The following NEB variants were observed in gnomAD, a reference collection of about 807,000 sequenced individuals.
The protein encoded by NEB is nemaline myopathy type 2.
In NEB, 512 loss-of-function variants were observed where a neutral mutation model predicts 952.2. The observed-to-expected ratio is 0.54, with a 90% CI of 0.50 to 0.58. The LOEUF is 0.58. NEB is among the 20% of genes least tolerant of loss of function. The pLI is 0.00. For synonymous variants in NEB, 2,900 were observed against 3,149.8 expected (o/e 0.92, Z 2.66); for missense variants, 8,428 against 9,231.1 (o/e 0.91, Z 3.56).
intron 130 of NEB, 93 bp downstream of exon 130, chr2:151,549,543 G>A: frequency 2.4e-6 from 2 of 840,296 alleles, no homozygotes; most frequent in Non-Finnish European, 4.0e-6. Flanking sequence ...AACCTTGAGG[G>A]TGAGACTGGA....
chr2:151,626,926 A>G, intron 70 of NEB, 76 bp downstream of exon 70: 2 of 1,527,888 alleles, frequency 1.3e-6, no homozygotes, highest in South Asian at 2.3e-5. Flanking sequence ...TTTAAAAAAG[A>G]GACTAACTTA....
chr2:151,549,549 C>T (rs2095123790), intron 130 of NEB, 87 bp downstream of exon 130: 1 of 874,320 alleles, frequency 1.1e-6, no homozygotes, highest in Non-Finnish European at 1.9e-6. Flanking sequence ...GAGGGTGAGA[C>T]TGGAGGATTA....
chr2:151,519,696 A>G lies in NEB; in HGVS notation c.22552T>C (p.Tyr7518His), dbSNP rs1201537144. 6.2e-7 allele frequency: 1 copy of G among 1,613,188 alleles called. No homozygotes were observed. The highest frequency in any genetic ancestry group is 1.7e-5 in the Admixed American group (1 of 60,026). Residue 7518 changes from tyrosine (Y) to histidine (H), a missense_variant, in exon 154 of 182, where the codon TAC becomes CAC. Tyr to His is a moderately conservative substitution (Grantham distance 83). Around this residue, in one of 11 missense-constraint regions of NEB, gnomAD observed 3,374 missense variants for 3,651.5 expected, o/e 0.92. Coordinates refer to ENST00000397345, the MANE Select transcript of NEB (RefSeq NM_001164508.2). ...PKYNPKDSQL[Y>H]KVMKDANNLA... ...TTATTAGCATCTTTCATGACTTTGT[A>G]GAGCTGGCTGTCTTTTGGATTGTAT...
At chr2:151,534,385 G>A in intron 142 of NEB, 1 of 1,371,324 alleles carries the variant, frequency 7.3e-7, no homozygotes, top group South Asian at 1.2e-5. Context: ...AATGTCTCAA[G>A]GTAAACACTC....
intron 34 of NEB, 126 bp downstream of exon 34, chr2:151,677,439 A>G: frequency 1.4e-6 from 1 of 739,430 alleles, no homozygotes. Context: ...TTTTTAAAAA[A>G]TTAAATAAAC....
intron 173 of NEB, 29 bp from the exon 174 acceptor site, chr2:151,494,282 CAAAAAG>C (rs756831276): frequency 4.1e-6 from 6 of 1,456,276 alleles, no homozygotes; most frequent in South Asian, 1.3e-5. Context: ...TCCAAAAAGC[CAAAAAG>C]AAAAAGAGTT....
intron 138 of NEB, among the ~76,000 whole-genome samples, chr2:151,539,810 T>C (rs1203517110): frequency 6.6e-6 from 1 of 152,218 alleles, no homozygotes; most frequent in African/African-American, 2.4e-5. Flanking sequence ...ACATGATCTA[T>C]ATGCAATTAA....
At chr2:151,505,957 T>A in intron 164 of NEB, 1 of 591,856 alleles carries the variant, frequency 1.7e-6, no homozygotes, top group Non-Finnish European at 3.0e-6. Flanking sequence ...TCTCTGTTTT[T>A]CAGATCTAAT....
Position 151,620,339 on chromosome 2 carries a change from A to ATG in NEB, c.10560+578_10561-578dup, listed in dbSNP as rs371405720. Among the ~76,000 whole-genome samples, 99 of 73,648 alleles carry ATG rather than the reference A, an allele frequency of 1.3e-3. 1 individual carries two copies. Among genetic ancestry groups the ATG allele is most frequent in the African/African-American group, 3.3e-3 (66 of 19,886 alleles). The allele number at this position is 73,648 out of a possible 152,430, so 48.3% of individuals were successfully genotyped here. On this transcript the variant is annotated intron_variant, in intron 72 of 181. Coordinates refer to ENST00000397345, the MANE Select transcript of NEB (RefSeq NM_001164508.2). ...GGTAAATTTTATTATATATATATGT[A>ATG]TGTGTGTGTATATATATATATATAT...
At chr2:151,621,412 T>C (rs980321457) in intron 71 of NEB, among the ~76,000 whole-genome samples, 1 of 152,208 alleles carries the variant, frequency 6.6e-6, no homozygotes, top group African/African-American at 2.4e-5. Context: ...TAATAACATA[T>C]AATAATACTA....
intron 57 of NEB, 112 bp downstream of exon 57, chr2:151,643,706 T>C: frequency 6.7e-7 from 1 of 1,482,422 alleles, no homozygotes; most frequent in Non-Finnish European, 9.1e-7. Context: ...TAGATGCGCT[T>C]GGGCATTAGT....
intron 68 of NEB, among the ~76,000 whole-genome samples, chr2:151,629,180 C>G (rs926179763): frequency 1.3e-5 from 2 of 152,100 alleles, no homozygotes; most frequent in Non-Finnish European, 2.9e-5. Context: ...ATACATGTAA[C>G]TAAGTTATTT....
At chr2:151,703,006 G>A (rs1024089111) in intron 13 of NEB, among the ~76,000 whole-genome samples, 1 of 151,896 alleles carries the variant, frequency 6.6e-6, no homozygotes, top group African/African-American at 2.4e-5. Flanking sequence ...ACCGGTTGTT[G>A]CTTTCCATGT....
chr2:151,507,253 T>A lies in NEB; in HGVS notation c.23452-240A>T. 1.9e-5 allele frequency: 8 copies of A among 416,944 alleles called. No individual in the cohort carries two copies. The South Asian group carries it at 2.5e-4, about 13-fold the overall frequency. The allele number at this position is 416,944 out of a possible 1,614,324, so 25.8% of individuals were successfully genotyped here. ...TTTAAGTATCCCTTGCTTAGTAGAT[T>A]TAACTTTGAAAAAGATAGATGTCTC... On this transcript the variant is annotated intron_variant, in intron 162 of 181. Transcript: ENST00000397345.
chr2:151,698,880 T>TA (rs778476825), intron 13 of NEB, among the ~76,000 whole-genome samples: 107 of 141,692 alleles, frequency 7.6e-4, no homozygotes, highest in South Asian at 2.0e-3. Flanking sequence ...TTTTTTTTTT[T>TA]AATTATACTT....
chr2:151,525,330 T>C lies in NEB; in HGVS notation c.22162-57A>G, dbSNP rs575415587. 8.9e-5 allele frequency: 114 copies of C among 1,283,250 alleles called. No homozygotes were observed. In the African/African-American group the frequency reaches 1.5e-3, roughly 17 times the overall value. 79.5% of individuals were successfully genotyped at this position (1,283,250 alleles called of 1,614,324 possible). ...GAGGAAGCTGGGAACAGAGTTGGTT[T>C]ACTTGAAGAACTGTGAAATCTCCAG... On this transcript the variant is annotated intron_variant, in intron 150 of 181. Coordinates refer to ENST00000397345, the MANE Select transcript of NEB (RefSeq NM_001164508.2).
chr2:151,724,336 G>A lies in NEB; in HGVS notation c.536C>T (p.Thr179Ile), dbSNP rs1163960480. The A allele has an allele frequency of 8.7e-6, 14 of 1,612,512 alleles. No homozygotes were observed. The East Asian group carries it at 3.1e-4, about 36-fold the overall frequency. Residue 179 changes from threonine (T) to isoleucine (I), a missense_variant, in exon 8 of 182, where the codon ACC (threonine) becomes ATC (isoleucine). Transcript: ENST00000397345. ...KVLYKQNWED[T>I]KDKYLLPPDA... is the part of the protein sequence containing the mutation. The stretch of plus-strand genomic sequence containing the variant: ...AGGAGGAAGCAGGTACTTATCCTTG[G>A]TGTCTTCCCAGTTCTGCTTGTATAA...
At chr2:151,731,613 C>A (rs1398383024) in intron 3 of NEB, among the ~76,000 whole-genome samples, 2 of 152,106 alleles carry the variant, frequency 1.3e-5, no homozygotes, top group Non-Finnish European at 2.9e-5. Flanking sequence ...GACACAGATG[C>A]TGTAATGGGA....
At chr2:151,497,753 T>G (rs1334294065) in intron 170 of NEB, 35 bp from the exon 171 acceptor site, 2 of 1,553,420 alleles carry the variant, frequency 1.3e-6, no homozygotes, top group Admixed American at 2.0e-5. Flanking sequence ...AAAACAACCA[T>G]GAGTAACATT....
Sources: gnomAD v4.1 joint callset for allele counts (sites outside exome capture counted in the v4.1 genomes callset) on GRCh38, gnomAD v4.1.1 for gene constraint, gnomAD v4.1.1 regional missense constraint, MANE v1.5 for transcripts, NCBI Gene and HGNC (gene_info 2026-07-23, HGNC 2026-07-21) for gene names.